NXPH1: variants seen among roughly 807,000 people sequenced by gnomAD.
NXPH1 encodes the protein neurexophilin-1.
A neutral mutation model predicts 23.7 loss-of-function variants in NXPH1; 5 were observed. The ratio of observed to expected loss-of-function variants is 0.21; its 90% CI spans 0.11 to 0.44. The LOEUF is 0.44. NXPH1 is among the 20% of genes least tolerant of loss of function. The pLI is 0.99. For missense variants in NXPH1, 324 were observed against 321.6 expected (o/e 1.01, Z -0.06); for synonymous variants, 144 against 122.2 (o/e 1.18, Z -1.18).
At chr7:8,452,836 T>C (rs2128605694) in intron 2 of NXPH1, among the ~76,000 whole-genome samples, 1 of 152,236 alleles carries the variant, frequency 6.6e-6, no homozygotes, top group Non-Finnish European at 1.5e-5. Flanking sequence ...CTAGAGCCAC[T>C]TCACAAATCT....
intron 2 of NXPH1, among the ~76,000 whole-genome samples, chr7:8,711,693 T>TAA (rs1562462238): frequency 6.6e-6 from 1 of 152,038 alleles, no homozygotes; most frequent in African/African-American, 2.4e-5. Context: ...TGCATACATA[T>TAA]GTATGTGAGG....
chr7:8,485,445 T>C (rs1817143378), intron 2 of NXPH1, among the ~76,000 whole-genome samples: 1 of 152,036 alleles, frequency 6.6e-6, no homozygotes, highest in South Asian at 2.1e-4. Flanking sequence ...TGTCAACACA[T>C]CCTCCAGAGG....
In NXPH1 at chr7:8,643,761, T is replaced by G. The variant is rs1340067961; in HGVS notation, c.55-107247T>G. On this transcript the variant is annotated intron_variant, in intron 2 of 2. Transcript: ENST00000405863. ...TTTATTACTTTTGCATAGAGGTTTA[T>G]TAGAGTACCCTTCTATGATTATAAT... 4.6e-5 allele frequency among the ~76,000 whole-genome samples: 7 copies of G among 152,184 alleles called. 1 individual carries two copies. Among genetic ancestry groups the G allele is most frequent in the Admixed American group, 4.6e-4 (7 of 15,274 alleles).
At chr7:8,625,458 G>T (rs1002597701) in intron 2 of NXPH1, among the ~76,000 whole-genome samples, 3 of 152,086 alleles carry the variant, frequency 2.0e-5, no homozygotes, top group Admixed American at 2.0e-4. Flanking sequence ...ATACCATTCT[G>T]CTTAAATGAC....
At chr7:8,514,844 T>A (rs766657596) in intron 2 of NXPH1, among the ~76,000 whole-genome samples, 5 of 152,140 alleles carry the variant, frequency 3.3e-5, no homozygotes, top group Non-Finnish European at 7.4e-5. Flanking sequence ...AGTAGTTCAG[T>A]TGAGATGATT....
At chr7:8,629,148 C>G (rs1051395876) in intron 2 of NXPH1, among the ~76,000 whole-genome samples, 10 of 151,992 alleles carry the variant, frequency 6.6e-5, no homozygotes, top group African/African-American at 2.4e-4. Context: ...TATTTACCCC[C>G]ATTGTTATAA....
At chr7:8,565,299 A>G (rs1240952683) in intron 2 of NXPH1, among the ~76,000 whole-genome samples, 1 of 151,794 alleles carries the variant, frequency 6.6e-6, no homozygotes, top group Non-Finnish European at 1.5e-5. Flanking sequence ...TACCAAGAAC[A>G]TCACTGGAAA....
chr7:8,574,964 C>T (rs758017061), intron 2 of NXPH1, among the ~76,000 whole-genome samples: 1 of 152,104 alleles, frequency 6.6e-6, no homozygotes, highest in Non-Finnish European at 1.5e-5. Flanking sequence ...ACCAGACATG[C>T]TTGGTTAAGA....
chr7:8,732,201 C>T (rs879611135), intron 2 of NXPH1, among the ~76,000 whole-genome samples: 21 of 152,248 alleles, frequency 1.4e-4, no homozygotes, highest in African/African-American at 3.9e-4. Context: ...TGCTTCGGCT[C>T]GTGCATGGTG....
intron 2 of NXPH1, among the ~76,000 whole-genome samples, chr7:8,631,472 C>T (rs371102594): frequency 2.0e-5 from 3 of 152,284 alleles, no homozygotes; most frequent in African/African-American, 7.2e-5. Flanking sequence ...AAACTATCAG[C>T]AGAGTAAACA....
intron 2 of NXPH1, among the ~76,000 whole-genome samples, chr7:8,574,086 G>A (rs1818704729): frequency 6.6e-6 from 1 of 152,028 alleles, no homozygotes; most frequent in South Asian, 2.1e-4. Flanking sequence ...CTCTGAGCAG[G>A]ACCAGAAGAG....
intron 2 of NXPH1, among the ~76,000 whole-genome samples, chr7:8,561,600 G>A (rs1818447599): frequency 6.6e-6 from 1 of 151,614 alleles, no homozygotes; most frequent in South Asian, 2.1e-4. Context: ...GAGCCTGTTG[G>A]CAGAAACAGA....
intron 2 of NXPH1, among the ~76,000 whole-genome samples, chr7:8,639,488 A>T (rs55977736): frequency 6.6e-6 from 1 of 151,996 alleles, no homozygotes; most frequent in African/African-American, 2.4e-5. Flanking sequence ...GTTTCTCTAT[A>T]TACTTTCAAA....
chr7:8,696,840 C>CA (rs3059126), intron 2 of NXPH1, among the ~76,000 whole-genome samples: 33,340 of 96,864 alleles, frequency 0.34, 6,184 homozygotes, highest in Middle Eastern at 0.55. Context: ...GACTCCCTCT[C>CA]AAAAAAAAAA....
At chr7:8,639,336 T>A (rs1820269850) in intron 2 of NXPH1, among the ~76,000 whole-genome samples, 1 of 152,132 alleles carries the variant, frequency 6.6e-6, no homozygotes. Context: ...GAATGTGTAG[T>A]CAAACAGATT....
intron 2 of NXPH1, among the ~76,000 whole-genome samples, chr7:8,483,507 C>G (rs1202694616): frequency 2.6e-5 from 4 of 151,876 alleles, no homozygotes; most frequent in East Asian, 1.9e-4. Context: ...CTGGGTTTCC[C>G]TATGTTGCCC....
intron 2 of NXPH1, among the ~76,000 whole-genome samples, chr7:8,726,506 C>T (rs1583248179): frequency 8.0e-6 from 1 of 125,122 alleles, no homozygotes; most frequent in African/African-American, 3.1e-5. Flanking sequence ...CCACAACAGT[C>T]CCCAGAGTGT....
At chr7:8,720,822 T>G (rs1779958819) in intron 2 of NXPH1, among the ~76,000 whole-genome samples, 2 of 152,210 alleles carry the variant, frequency 1.3e-5, no homozygotes, top group African/African-American at 4.8e-5. Flanking sequence ...AATTTGTCAA[T>G]CTAAAGTTCT....
chr7:8,599,183 A>G (rs1359285948), intron 2 of NXPH1, among the ~76,000 whole-genome samples: 1 of 152,122 alleles, frequency 6.6e-6, no homozygotes, highest in Non-Finnish European at 1.5e-5. Context: ...GTTCTCAAAG[A>G]GATGACTTCC....
Sources: gnomAD v4.1 joint callset for allele counts (sites outside exome capture counted in the v4.1 genomes callset) on GRCh38, gnomAD v4.1.1 for gene constraint, MANE v1.5 for transcripts, NCBI Gene and HGNC (gene_info 2026-07-23, HGNC 2026-07-21) for gene names.